Variants in CARS2 observed in about 807,000 individuals in gnomAD.
The protein encoded by CARS2 is cysteinyl-tRNA synthetase 2, mitochondrial.
In CARS2, 52 loss-of-function variants were observed where a neutral mutation model predicts 68.8. That is an observed-to-expected ratio of 0.76 (90% confidence interval 0.61 to 0.95). The LOEUF (loss-of-function observed/expected upper bound fraction) is 0.95. Ranked by LOEUF, CARS2 falls within the 40% of genes least tolerant of loss-of-function variation. The pLI is 0.00. For synonymous variants in CARS2, 314 were observed against 303.6 expected (o/e 1.03, Z -0.36); for missense variants, 780 against 754.2 (o/e 1.03, Z -0.40).
At chr13:110,688,143 G>A (rs1375788011) in intron 3 of CARS2, 125 bp from the exon 4 acceptor site, 2 of 568,748 alleles carry the variant, frequency 3.5e-6, no homozygotes, top group Non-Finnish European at 6.3e-6. Context: ...CGGTGCCTCG[G>A]CCTCAGTTTG....
intron 10 of CARS2, 94 bp from the exon 11 acceptor site, chr13:110,647,333 C>T: frequency 6.9e-7 from 1 of 1,459,388 alleles, no homozygotes; most frequent in Non-Finnish European, 9.3e-7. Context: ...GGCACTGCCA[C>T]CCAGGGACCA....
intron 9 of CARS2, among the ~76,000 whole-genome samples, chr13:110,660,333 A>G: frequency 6.6e-6 from 1 of 152,182 alleles, no homozygotes; most frequent in Non-Finnish European, 1.5e-5. Context: ...GTTAATGTTA[A>G]TATTTTGACC....
chr13:110,649,931 C>CTGTTTTTTT (rs1249270267), intron 10 of CARS2, among the ~76,000 whole-genome samples: 21 of 73,148 alleles, frequency 2.9e-4, no homozygotes, highest in East Asian at 2.7e-3. Context: ...TGGATAACGA[C>CTGTTTTTTT]TTTTTTTTTT....
At chr13:110,648,042 C>T (rs887564545) in intron 10 of CARS2, among the ~76,000 whole-genome samples, 3 of 152,202 alleles carry the variant, frequency 2.0e-5, no homozygotes, top group Non-Finnish European at 4.4e-5. Context: ...AAAATTACAT[C>T]TCAACATGCC....
intron 6 of CARS2, among the ~76,000 whole-genome samples, chr13:110,681,910 A>G (rs570551953): frequency 2.0e-5 from 3 of 152,328 alleles, no homozygotes; most frequent in African/African-American, 7.2e-5. Flanking sequence ...ATTTCCAGGG[A>G]TGGGAAAGAG....
intron 1 of CARS2, chr13:110,712,811 C>T: frequency 3.7e-6 from 3 of 816,932 alleles, no homozygotes; most frequent in Non-Finnish European, 6.1e-6. Flanking sequence ...GCCTATCCAC[C>T]TCTTCTGGGG....
At chr13:110,682,986 T>A in intron 6 of CARS2, 65 bp downstream of exon 6, 1 of 1,112,120 alleles carries the variant, frequency 9.0e-7, no homozygotes. Context: ...CCAGATCTCA[T>A]CTCCCCAGAG....
Position 110,704,419 on chromosome 13 carries a change from GT to G in CARS2, c.275+1101del, listed in dbSNP as rs200127112. On this transcript the variant is annotated intron_variant, in intron 2 of 14. Transcript: ENST00000257347. ...TTAGCCCAAAGTAAAGGGGAAAAATGTATATTTAAAGTATACAGAGTATGCC... is the reference window on the plus strand; with the variant it reads ...TTAGCCCAAAGTAAAGGGGAAAAATGATATTTAAAGTATACAGAGTATGCC... 5.8e-3 allele frequency among the ~76,000 whole-genome samples: 882 copies of G among 152,350 alleles called. 6 individuals carry two copies. The highest frequency in any genetic ancestry group is 0.011 in the South Asian group (53 of 4,828).
At position 110,642,429 on chromosome 13, in the gene CARS2, G is replaced by T. The variant is rs766953234; in HGVS notation, c.1509C>A (p.Ala503=). 2 of 1,605,454 alleles carry T rather than the reference G, an allele frequency of 1.2e-6. No homozygotes were observed. Among genetic ancestry groups the T allele is most frequent in the South Asian group, 2.2e-5 (2 of 89,640 alleles). The change falls in exon 14 of 15, where the codon GCC becomes GCA. Residue 503 remains alanine (A), a synonymous_variant. Coordinates refer to ENST00000257347, the MANE Select transcript of CARS2 (RefSeq NM_024537.4). ...GGGCGTCCCCCGTGGCCTCGGGCAT[G>T]GCCAGCGCAAACTGCCGGACCTTCT... is the stretch of plus-strand genomic sequence containing the variant. The part of the protein sequence containing the change: ...FRQKVRQFAL[A]MPEATGDARR...
In CARS2 at chr13:110,660,110, A is replaced by C. The variant is rs367580887; in HGVS notation, c.987+3341T>G. 2.0e-5 allele frequency among the ~76,000 whole-genome samples: 3 copies of C among 152,356 alleles called. No individual in the cohort carries two copies. In the South Asian group the frequency reaches 6.2e-4, roughly 32 times the overall value. ...ACCAGGAGTAGATTCCATCTCAAGA[A>C]ACCACTTTCTTTGCTCATCCATAAG... On this transcript the variant is annotated intron_variant, in intron 9 of 14. Transcript: ENST00000257347.
At chr13:110,696,696 C>T (rs1205561305) in intron 3 of CARS2, among the ~76,000 whole-genome samples, 1 of 152,202 alleles carries the variant, frequency 6.6e-6, no homozygotes, top group Admixed American at 6.5e-5. Context: ...CTACTCTCTA[C>T]AGTTAGAATG....
At chr13:110,652,437 C>A (rs1181496000) in intron 9 of CARS2, among the ~76,000 whole-genome samples, 6 of 152,274 alleles carry the variant, frequency 3.9e-5, no homozygotes, top group African/African-American at 1.4e-4. Flanking sequence ...GAGCAAAACA[C>A]ACACAACTGA....
rs1307296781 is a variant in CARS2, at chr13:110,687,957, G to T, written c.455C>A (p.Ala152Glu). 2.5e-6 allele frequency: 4 copies of T among 1,612,340 alleles called. No homozygotes were observed. The highest frequency in any genetic ancestry group is 1.8e-4 in the Middle Eastern group (1 of 5,542). ...AGCCCCACACTTTACCTTCAGGGCT[G>T]CCATGTCCTGCTTGAAGTCTTCCTC... is the stretch of plus-strand genomic sequence containing the variant. ...LYEEDFKQDM[A>E]ALKVLPPTVY... Residue 152 changes from alanine to glutamate, a missense_variant, in exon 4 of 15, where the codon GCA (alanine) becomes GAA (glutamate). By Grantham distance (107) the Ala-to-Glu change is moderately radical (BLOSUM62 -1). Coordinates refer to ENST00000257347, the MANE Select transcript of CARS2 (RefSeq NM_024537.4).
chr13:110,682,847 C>T (rs559954852), intron 6 of CARS2, among the ~76,000 whole-genome samples: 8 of 152,234 alleles, frequency 5.3e-5, no homozygotes, highest in South Asian at 2.1e-4. Context: ...CGGGGGTGGA[C>T]GATGCCCCAC....
At chr13:110,688,641 G>C (rs1215642471) in intron 3 of CARS2, 1 of 152,216 alleles carries the variant, frequency 6.6e-6, no homozygotes, top group Non-Finnish European at 1.5e-5. Flanking sequence ...GGGTGTTGTG[G>C]GTCATAGCTA....
upstream of CARS2, chr13:110,706,477 A>C (rs2063963494): frequency 6.2e-6 from 1 of 160,372 alleles, no homozygotes; most frequent in African/African-American, 2.4e-5. Context: ...TTTACAGTGC[A>C]AGCTTCTGTT....
intron 9 of CARS2, among the ~76,000 whole-genome samples, chr13:110,651,462 G>C (rs1316131018): frequency 6.6e-6 from 1 of 152,216 alleles, no homozygotes; most frequent in Non-Finnish European, 1.5e-5. Flanking sequence ...CTCAGGAAGA[G>C]ACCAGGTAGG....
intron 6 of CARS2, among the ~76,000 whole-genome samples, chr13:110,679,597 AAG>A (rs1198413028): frequency 1.5e-3 from 67 of 43,680 alleles, no homozygotes; most frequent in African/African-American, 2.5e-3. Context: ...GAAAGAAAGA[AAG>A]AGAGAGAGAG....
intron 7 of CARS2, among the ~76,000 whole-genome samples, chr13:110,672,527 G>T (rs2062830508): frequency 6.6e-6 from 1 of 152,188 alleles, no homozygotes; most frequent in Admixed American, 6.5e-5. Context: ...TAAGAACAAA[G>T]ACACAACATA....
Sources: gnomAD v4.1 joint callset for allele counts (sites outside exome capture counted in the v4.1 genomes callset) on GRCh38, gnomAD v4.1.1 for gene constraint, MANE v1.5 for transcripts, NCBI Gene and HGNC (gene_info 2026-07-23, HGNC 2026-07-21) for gene names.